GRK5: variants seen among roughly 807,000 people sequenced by gnomAD.
GRK5 encodes G protein-coupled receptor kinase 5.
A neutral mutation model predicts 78.4 loss-of-function variants in GRK5; 40 were observed. The ratio of observed to expected loss-of-function variants is 0.51; its 90% CI spans 0.40 to 0.66. The LOEUF (loss-of-function observed/expected upper bound fraction) is 0.66, where lower values mean the gene tolerates loss of function less well. GRK5 is among the 30% of genes least tolerant of loss of function. GRK5 has a pLI of 0.00. For missense variants in GRK5, 598 were observed against 759.9 expected (o/e 0.79, Z 2.50); for synonymous variants, 289 against 296.8 (o/e 0.97, Z 0.27).
intron 1 of GRK5, among the ~76,000 whole-genome samples, chr10:119,235,563 C>T (rs1848910926): frequency 6.6e-6 from 1 of 152,088 alleles, no homozygotes; most frequent in Non-Finnish European, 1.5e-5. Context: ...TTACAAGGCA[C>T]ACTCGGGTTG....
intron 1 of GRK5, among the ~76,000 whole-genome samples, chr10:119,259,343 C>T (rs1350071783): frequency 2.0e-5 from 3 of 152,142 alleles, no homozygotes; most frequent in African/African-American, 7.2e-5. Context: ...GGATTACAGG[C>T]GTGAGCCACT....
At chr10:119,438,090 A>C (rs957242029) in intron 9 of GRK5, among the ~76,000 whole-genome samples, 3 of 152,224 alleles carry the variant, frequency 2.0e-5, no homozygotes, top group Admixed American at 2.0e-4. Flanking sequence ...CTCCGTCTCA[A>C]AATAAAATAA....
chr10:119,271,094 C>G lies in GRK5; in HGVS notation c.53-55422C>G, dbSNP rs555316659. Among the ~76,000 whole-genome samples the G allele has an allele frequency of 6.6e-5, 10 of 152,288 alleles. No individual in the cohort carries two copies. Among genetic ancestry groups the G allele is most frequent in the African/African-American group, 1.9e-4 (8 of 41,558 alleles). On this transcript the variant is annotated intron_variant, in intron 1 of 15. Coordinates refer to ENST00000392870, the MANE Select transcript of GRK5 (RefSeq NM_005308.3). The surrounding 1 kb of genome is among the most constrained non-coding windows in gnomAD (Gnocchi z 4.1). ...GCCTAGAAGTGACTGAATAGCAGACCGGGCTTTCGTAAGTAAGCTCACACT... is the reference window on the plus strand; with the variant it reads ...GCCTAGAAGTGACTGAATAGCAGACGGGGCTTTCGTAAGTAAGCTCACACT...
chr10:119,302,100 G>A (rs1850193028), intron 1 of GRK5, among the ~76,000 whole-genome samples: 1 of 152,192 alleles, frequency 6.6e-6, no homozygotes. Context: ...GCAGGGAGTG[G>A]GTGATGGGGC....
intron 1 of GRK5, among the ~76,000 whole-genome samples, chr10:119,210,603 TA>T (rs995907006): frequency 1.3e-5 from 2 of 152,214 alleles, no homozygotes; most frequent in African/African-American, 4.8e-5. Flanking sequence ...AACAGTATAT[TA>T]AAAAAATCTG....
At chr10:119,290,830 A>T (rs768687052) in intron 1 of GRK5, among the ~76,000 whole-genome samples, 3 of 151,954 alleles carry the variant, frequency 2.0e-5, no homozygotes, top group Non-Finnish European at 4.4e-5. Context: ...AGACATAATC[A>T]TCTCTTCCTT....
At chr10:119,340,587 G>A (rs183226409) in intron 2 of GRK5, among the ~76,000 whole-genome samples, 5 of 152,330 alleles carry the variant, frequency 3.3e-5, no homozygotes, top group Non-Finnish European at 2.9e-5. Context: ...AGTTTGTTCT[G>A]CTTCTAGGGA....
intron 3 of GRK5, among the ~76,000 whole-genome samples, chr10:119,391,226 G>A (rs919499123): frequency 2.6e-5 from 4 of 152,234 alleles, no homozygotes; most frequent in Admixed American, 6.5e-5. Context: ...GATGGGAGCC[G>A]GAGCCAGAGA....
At chr10:119,389,801 AACACACACACACACACAC>A (rs66652162) in intron 3 of GRK5, among the ~76,000 whole-genome samples, 2 of 149,654 alleles carry the variant, frequency 1.3e-5, no homozygotes, top group Non-Finnish European at 3.0e-5. Context: ...GATCATGAGC[AACACACACACACACACAC>A]ACACACACAC....
chr10:119,255,038 CAAAAA>C (rs11427427), intron 1 of GRK5, among the ~76,000 whole-genome samples: 3,038 of 113,728 alleles, frequency 0.027, 48 homozygotes, highest in Admixed American at 0.069. Flanking sequence ...GACTCAGTCT[CAAAAA>C]AAAAAAAAAA....
intron 2 of GRK5, among the ~76,000 whole-genome samples, chr10:119,337,882 A>G (rs1312944408): frequency 6.6e-6 from 1 of 152,074 alleles, no homozygotes; most frequent in Non-Finnish European, 1.5e-5. Flanking sequence ...TTGGCCTCCC[A>G]TAGTATTGGG....
At chr10:119,346,724 A>G (rs915225533) in intron 2 of GRK5, among the ~76,000 whole-genome samples, 1 of 152,110 alleles carries the variant, frequency 6.6e-6, no homozygotes, top group Non-Finnish European at 1.5e-5. Context: ...CAGGAAGACC[A>G]TACAGGGACT....
intron 4 of GRK5, among the ~76,000 whole-genome samples, chr10:119,418,359 C>T (rs868105106): frequency 7.2e-5 from 11 of 152,162 alleles, no homozygotes; most frequent in African/African-American, 2.2e-4. Flanking sequence ...GGGAGCTCAG[C>T]GCTGGGGAGT....
chr10:119,446,474 C>G (rs1036805086), intron 12 of GRK5, among the ~76,000 whole-genome samples: 2 of 150,460 alleles, frequency 1.3e-5, no homozygotes, highest in African/African-American at 4.9e-5. Context: ...CAGCCCACCC[C>G]TCGCCTTTCT....
intron 3 of GRK5, among the ~76,000 whole-genome samples, chr10:119,387,299 C>A (rs776392171): frequency 1.3e-5 from 2 of 152,120 alleles, no homozygotes; most frequent in South Asian, 4.1e-4. Flanking sequence ...CCACCGTGCC[C>A]GGCCTTCTGT....
At chr10:119,369,439 G>A (rs1020609037) in intron 2 of GRK5, among the ~76,000 whole-genome samples, 5 of 152,158 alleles carry the variant, frequency 3.3e-5, no homozygotes, top group African/African-American at 7.2e-5. Context: ...AAACAAACCC[G>A]AAGTTCTTCT....
chr10:119,441,956 T>C (rs1324095258), intron 10 of GRK5, 43 bp from the exon 11 acceptor site: 2 of 1,531,726 alleles, frequency 1.3e-6, no homozygotes, highest in Non-Finnish European at 1.8e-6. Flanking sequence ...CGGGTGCCCA[T>C]GCGGCTGTCC....
chr10:119,381,246 C>T (rs1339876309), intron 3 of GRK5, among the ~76,000 whole-genome samples: 2 of 152,232 alleles, frequency 1.3e-5, no homozygotes, highest in Non-Finnish European at 2.9e-5. Flanking sequence ...TTAGGCCTAG[C>T]TCTTGGATCT....
At chr10:119,320,322 G>A (rs1274852577) in intron 1 of GRK5, among the ~76,000 whole-genome samples, 1 of 152,268 alleles carries the variant, frequency 6.6e-6, no homozygotes, top group Admixed American at 6.5e-5. Context: ...GCACAGGGGA[G>A]ACTGATGACG....
Sources: allele counts gnomAD v4.1 joint callset (sites outside exome capture counted in the v4.1 genomes callset), GRCh38; gene constraint gnomAD v4.1.1; non-coding constraint Gnocchi (gnomAD v3.1); transcripts MANE v1.5; gene names NCBI Gene and HGNC (gene_info 2026-07-23, HGNC 2026-07-21).